The following HSP90B1 variants were observed in gnomAD, a reference collection of about 807,000 sequenced individuals.
HSP90B1 encodes heat shock protein 90 beta family member 1, also known as endoplasmin.
Under a neutral mutation model 100.4 loss-of-function variants are expected in HSP90B1, and 27 were observed. The ratio of observed to expected loss-of-function variants is 0.27; its 90% CI spans 0.20 to 0.37. The LOEUF (loss-of-function observed/expected upper bound fraction) is 0.37. Ranked by LOEUF, HSP90B1 falls within the 10% of genes least tolerant of loss-of-function variation. HSP90B1 has a pLI of 1.00. For missense variants in HSP90B1, 678 were observed against 960.5 expected, an observed-to-expected ratio of 0.71 and a Z score of 3.89; for synonymous variants, 304 against 330.8, an observed-to-expected ratio of 0.92 and a Z score of 0.88.
intron 6 of HSP90B1, chr12:103,938,128 C>T (rs1481522160): frequency 4.8e-6 from 2 of 417,686 alleles, no homozygotes. Context: ...CCAAGATCGC[C>T]CCACTGCACT....
Position 103,934,092 on chromosome 12 carries a change from A to C in HSP90B1, c.548A>C (p.Glu183Ala), listed in dbSNP as rs1441852694. The C allele has an allele frequency of 1.2e-6, 2 of 1,614,138 alleles. No individual in the cohort carries two copies. The change falls in exon 5 of 18, where the codon GAA (glutamate) becomes GCA (alanine). Residue 183 changes from glutamate to alanine, a missense_variant. Physicochemically the swap from Glu to Ala is moderately radical, Grantham distance 107. Coordinates refer to ENST00000299767, the MANE Select transcript of HSP90B1 (RefSeq NM_003299.3). ...EFLNKMTEAQ[E>A]DGQSTSELIG... is the part of the protein sequence containing the mutation. ...TTAAACAAAATGACTGAAGCACAGG[A>C]AGATGGCCAGTCAACTTCTGAATTG... is the stretch of plus-strand genomic sequence containing the variant.
At chr12:103,938,305 A>T (rs1324053374) in intron 6 of HSP90B1, 35 bp from the exon 7 acceptor site, 4 of 1,507,620 alleles carry the variant, frequency 2.7e-6, no homozygotes, top group Non-Finnish European at 3.5e-6. Flanking sequence ...ATTGTTAAAC[A>T]AATGAGTTTA....
In HSP90B1 at chr12:103,943,101, C is replaced by T. The variant is rs996947731; in HGVS notation, c.1672C>T (p.Leu558Phe). 5 of 1,614,042 alleles carry T rather than the reference C, an allele frequency of 3.1e-6. No homozygotes were observed. The highest frequency in any genetic ancestry group is 4.2e-6 in the Non-Finnish European group (5 of 1,179,966). The part of the protein sequence containing the change: ...EAESSPFVER[L>F]LKKGYEVIYL... ...TGAATCTTCTCCATTTGTTGAGCGA[C>T]TTCTGAAAAAGGGCTATGAAGTTAT... The change falls in exon 13 of 18, where the codon CTT (leucine) becomes TTT (phenylalanine). Residue 558 changes from leucine to phenylalanine, a missense_variant. Leu to Phe is a conservative substitution (Grantham distance 22). Coordinates refer to ENST00000299767, the MANE Select transcript of HSP90B1 (RefSeq NM_003299.3). The surrounding 1 kb of genome is among the most constrained non-coding windows in gnomAD (Gnocchi z 5.3).
At chr12:103,932,734 A>G (rs1869803787) in intron 3 of HSP90B1, 92 bp from the exon 4 acceptor site, 1 of 762,008 alleles carries the variant, frequency 1.3e-6, no homozygotes, top group Admixed American at 2.0e-5. Flanking sequence ...TTTATAAGGT[A>G]CAGAGAAGAA....
At chr12:103,941,975 AAC>A (rs199865918) in intron 11 of HSP90B1, 78 bp downstream of exon 11, 1 of 543,182 alleles carries the variant, frequency 1.8e-6, no homozygotes, top group Non-Finnish European at 2.8e-6. Context: ...TGTGGAGTAA[AAC>A]CAGATTTTGG....
At chr12:103,935,326 G>A (rs529112114) in intron 5 of HSP90B1, among the ~76,000 whole-genome samples, 50 of 152,298 alleles carry the variant, frequency 3.3e-4, no homozygotes, top group Admixed American at 8.5e-4. Flanking sequence ...GCACTGTGAC[G>A]TAGACAGGGC....
intron 16 of HSP90B1, 95 bp downstream of exon 16, chr12:103,947,036 C>A: frequency 6.8e-6 from 9 of 1,330,292 alleles, no homozygotes; most frequent in Non-Finnish European, 9.3e-6. Flanking sequence ...TGTAGCTTTG[C>A]GACATTTGCC....
intron 1 of HSP90B1, 143 bp from the exon 2 acceptor site, chr12:103,931,378 T>C: frequency 3.3e-6 from 2 of 606,278 alleles, no homozygotes; most frequent in Non-Finnish European, 6.0e-6. Flanking sequence ...GCTTTACCTT[T>C]GGTATTTAAA....
Position 103,940,745 on chromosome 12 carries a change from C to T in HSP90B1, c.1093-665C>T, listed in dbSNP as rs186068642. Among the ~76,000 whole-genome samples, 42 of 152,296 alleles carry T rather than the reference C, an allele frequency of 2.8e-4. No individual in the cohort carries two copies. In the East Asian group the frequency reaches 7.1e-3, roughly 26 times the overall value. ...TAATAGTATAATTTATTTAACCCAG[C>T]ATACCCCAAATAGTATTATTTCAAC... On this transcript the variant is annotated intron_variant, in intron 8 of 17. Coordinates refer to ENST00000299767, the MANE Select transcript of HSP90B1 (RefSeq NM_003299.3).
rs1870285575 is a variant in HSP90B1 at position 103,947,762 on chromosome 12, T to C, written c.*100T>C. 1.0e-6 allele frequency: 1 copy of C among 1,004,724 alleles called. No individual in the cohort carries two copies. The highest frequency in any genetic ancestry group is 1.7e-5 in the Admixed American group (1 of 57,750). 62.2% of individuals were successfully genotyped at this position (1,004,724 alleles called of 1,614,324 possible). A position where few individuals can be genotyped will look rare whatever the true frequency, so the allele number is the denominator to read the frequency against. ...TGTTTTGGATGCCCCCTAATCCCCT[T>C]CTCCCCTGCACTGTAAAATGTGGGA... On this transcript the variant is annotated 3_prime_UTR_variant, in exon 18 of 18. Coordinates refer to ENST00000299767, the MANE Select transcript of HSP90B1 (RefSeq NM_003299.3).
rs757985791 is a variant in HSP90B1 at position 103,937,770 on chromosome 12, G to A, written c.819G>A (p.Gln273=). ...AAAATCTCGTCAAAAAATATTCACA[G>A]TTCATAAACTTTCCTATTTATGTAT... ...TIKNLVKKYS[Q]FINFPIYVWS... is the part of the protein sequence containing the mutation. Residue 273 remains glutamine, a synonymous_variant, in exon 6 of 18, where the codon CAG becomes CAA. Coordinates refer to ENST00000299767, the MANE Select transcript of HSP90B1 (RefSeq NM_003299.3). 12 of 1,575,904 alleles carry A rather than the reference G, an allele frequency of 7.6e-6. No individual in the cohort carries two copies. The South Asian group carries it at 1.3e-4, about 18-fold the overall frequency.
Position 103,931,550 on chromosome 12 carries a change from G to A in HSP90B1, c.79G>A (p.Val27Met), listed in dbSNP as rs764191996. 1.2e-6 allele frequency: 2 copies of A among 1,613,806 alleles called. No homozygotes were observed. The highest frequency in any genetic ancestry group is 1.3e-5 in the African/African-American group (1 of 75,058). ...GSVRADDEVDVDGTVEEDLGK... is the reference protein window; with the variant it reads ...GSVRADDEVDMDGTVEEDLGK... ...GGTCAGAGCTGACGATGAAGTTGAT[G>A]TGGATGGTACAGTAGAAGAGGATCT... The change falls in exon 2 of 18, where the codon GTG becomes ATG. Residue 27 changes from valine (V) to methionine (M), a missense_variant. Physicochemically the swap from Val to Met is conservative, Grantham distance 21. Around this residue, in one of 8 missense-constraint regions of HSP90B1, gnomAD observed 88 missense variants for 88.2 expected, o/e 1.00. Coordinates refer to ENST00000299767, the MANE Select transcript of HSP90B1 (RefSeq NM_003299.3).
At chr12:103,946,526 AGTT>A (rs1330896353) in intron 14 of HSP90B1, 89 bp from the exon 15 acceptor site, 20 of 875,016 alleles carry the variant, frequency 2.3e-5, no homozygotes, top group Non-Finnish European at 3.3e-5. Context: ...TTTTACCAAG[AGTT>A]GTTCTGTGTA....
At position 103,946,909 on chromosome 12, in the gene HSP90B1, C is replaced by T. The variant is rs751081426; in HGVS notation, c.2230C>T (p.Arg744Cys). ...TGGAGATAGAATAGAAAGAATGCTT[C>T]GCCTCAGTTTGAACATTGACCCTGA... ...AYGDRIERML[R>C]LSLNIDPDAK... Residue 744 changes from arginine (R) to cysteine (C), a missense_variant, in exon 16 of 18, where the codon CGC becomes TGC. This residue lies in a region of HSP90B1 where 6 missense variants were observed against 29.1 expected (regional missense o/e 0.21). Transcript: ENST00000299767. The T allele has an allele frequency of 7.4e-6, 12 of 1,613,932 alleles. No individual in the cohort carries two copies. Among genetic ancestry groups the T allele is most frequent in the African/African-American group, 1.3e-5 (1 of 75,024 alleles).
In HSP90B1 at chr12:103,947,617, TTTTA is replaced by T. The variant is rs760355382; in HGVS notation, c.2383-7_2383-4del. 3 of 1,575,958 alleles carry T rather than the reference TTTTA, an allele frequency of 1.9e-6. No individual in the cohort carries two copies. The highest frequency in any genetic ancestry group is 1.2e-5 in the South Asian group (1 of 86,400). ...TAACTTTTAATACCTTCTGGGTTTT[TTTTA>T]TTTATTTACAGGAATCTACAGCTGA... On this transcript the variant is annotated splice_polypyrimidine_tract_variant and intron_variant, in intron 17 of 17. Transcript: ENST00000299767.
chr12:103,932,682 C>T, intron 3 of HSP90B1, 144 bp from the exon 4 acceptor site: 2 of 673,050 alleles, frequency 3.0e-6, no homozygotes, highest in Admixed American at 4.7e-5. Context: ...AAACTTCTTG[C>T]ATTGCATACC....
At chr12:103,931,810 T>G (rs1869772815) in intron 2 of HSP90B1, 187 bp downstream of exon 2, 2 of 644,210 alleles carry the variant, frequency 3.1e-6, no homozygotes, top group Non-Finnish European at 5.8e-6. Flanking sequence ...CTGAGTGAAT[T>G]CCTTTGAAAA....
In HSP90B1 at chr12:103,947,370, A is replaced by G. The variant is rs763219647; in HGVS notation, c.2322A>G (p.Thr774=). The G allele has an allele frequency of 6.2e-7, 1 of 1,609,788 alleles. No individual in the cohort carries two copies. Among genetic ancestry groups the G allele is most frequent in the Non-Finnish European group, 8.5e-7 (1 of 1,176,216 alleles). ...EETAEDTTED[T]EQDEDEEMDV... is the part of the protein sequence containing the mutation. ...CAGCAGAAGACACAACAGAAGACAC[A>G]GAGCAAGACGAAGATGAAGAAATGG... The change falls in exon 17 of 18, where the codon ACA becomes ACG. Residue 774 remains threonine (T), a synonymous_variant. Transcript: ENST00000299767.
chr12:103,935,043 G>A (rs1869871676), intron 5 of HSP90B1, among the ~76,000 whole-genome samples: 2 of 152,284 alleles, frequency 1.3e-5, no homozygotes, highest in South Asian at 4.1e-4. Flanking sequence ...TGGTGTGGAG[G>A]ATGTGAGGAG....
Sources: allele counts gnomAD v4.1 joint callset (sites outside exome capture counted in the v4.1 genomes callset), GRCh38; gene constraint gnomAD v4.1.1; regional missense constraint gnomAD v4.1.1; non-coding constraint Gnocchi (gnomAD v3.1); transcripts MANE v1.5; gene names NCBI Gene and HGNC (gene_info 2026-07-23, HGNC 2026-07-21).